Variants in MICAL3 observed in about 807,000 individuals in gnomAD.
The protein encoded by MICAL3 is [F-actin]-monooxygenase MICAL3.
In MICAL3, 62 loss-of-function variants were observed where a neutral mutation model predicts 207.4. The observed-to-expected ratio is 0.30, with a 90% CI of 0.24 to 0.37. MICAL3 has a LOEUF of 0.37. MICAL3 is among the 10% of genes least tolerant of loss of function. The pLI is 1.00. For missense variants in MICAL3, 2,368 were observed against 2,635.6 expected (o/e 0.90, Z 2.22); for synonymous variants, 1,077 against 1,069.3 (o/e 1.01, Z -0.14).
At chr22:17,879,664 A>G (rs906729556) in intron 16 of MICAL3, among the ~76,000 whole-genome samples, 4 of 152,204 alleles carry the variant, frequency 2.6e-5, no homozygotes, top group Non-Finnish European at 5.9e-5. Context: ...GGTTAGTACA[A>G]AGGTGGAACA....
intron 17 of MICAL3, among the ~76,000 whole-genome samples, chr22:17,866,783 G>A (rs1316307813): frequency 3.3e-5 from 5 of 152,234 alleles, no homozygotes; most frequent in African/African-American, 1.2e-4. Flanking sequence ...TCCCCGTGGG[G>A]GGTGTCGTCA....
intron 1 of MICAL3, among the ~76,000 whole-genome samples, chr22:17,989,276 C>A (rs1251607766): frequency 6.6e-6 from 1 of 152,132 alleles, no homozygotes; most frequent in Non-Finnish European, 1.5e-5. Context: ...CTTACCTTGC[C>A]CTTGCAGTCA....
intron 1 of MICAL3, among the ~76,000 whole-genome samples, chr22:17,912,799 A>G (rs1405608972): frequency 6.6e-6 from 1 of 152,164 alleles, no homozygotes; most frequent in East Asian, 1.9e-4. Flanking sequence ...TTCCTTTCCA[A>G]TTTGGATGCC....
intron 24 of MICAL3, 84 bp downstream of exon 24, chr22:17,821,946 C>T (rs1259796676): frequency 2.8e-5 from 43 of 1,534,898 alleles, no homozygotes; most frequent in Middle Eastern, 1.7e-4. Flanking sequence ...TGCTCTGAAG[C>T]GCCTGGCCCC....
intron 1 of MICAL3, among the ~76,000 whole-genome samples, chr22:17,922,573 T>C (rs138886815): frequency 1.1e-3 from 160 of 152,246 alleles, no homozygotes; most frequent in African/African-American, 3.5e-3. Context: ...ACTGGTATTA[T>C]GATGTTGAAG....
intron 1 of MICAL3, among the ~76,000 whole-genome samples, chr22:17,927,368 T>C (rs1409345287): frequency 6.6e-6 from 1 of 152,244 alleles, no homozygotes; most frequent in African/African-American, 2.4e-5. Context: ...TTCTGACTAC[T>C]GTGCACAATG....
At chr22:17,831,822 G>C in intron 21 of MICAL3, 32 bp downstream of exon 21, 1 of 1,542,578 alleles carries the variant, frequency 6.5e-7, no homozygotes, top group Non-Finnish European at 8.8e-7. Context: ...TGGGGGGCAG[G>C]GCAGAGTTCG....
chr22:17,994,137 G>GTGC (rs1249945982), intron 1 of MICAL3, among the ~76,000 whole-genome samples: 2 of 152,146 alleles, frequency 1.3e-5, no homozygotes, highest in Admixed American at 1.3e-4. Context: ...TCAGCGCCAG[G>GTGC]TGCTGCTCTC....
chr22:17,822,867 G>A, intron 23 of MICAL3, 80 bp downstream of exon 23: 1 of 921,684 alleles, frequency 1.1e-6, no homozygotes, highest in East Asian at 2.7e-5. Context: ...CGGCCTCACT[G>A]AGCTTGATTT....
intron 29 of MICAL3, among the ~76,000 whole-genome samples, chr22:17,797,839 C>T (rs2061892941): frequency 6.6e-6 from 1 of 152,250 alleles, no homozygotes; most frequent in African/African-American, 2.4e-5. Context: ...GTGGGCACAG[C>T]CACAGCGGGC....
chr22:18,015,946 T>C lies in MICAL3; in HGVS notation c.-75+8335A>G, dbSNP rs9618186. ...TTCAGTGATTTCTACTTATTTCTAT[T>C]ATAACCAACACAACAGAGGGTATTT... On this transcript the variant is annotated intron_variant, in intron 1 of 31. Transcript: ENST00000441493. Among the ~76,000 whole-genome samples the C allele has an allele frequency of 7.7e-3, 1,169 of 152,312 alleles. 18 individuals carry two copies. The highest frequency in any genetic ancestry group is 0.027 in the African/African-American group (1,130 of 41,570).
At chr22:17,857,324 G>A (rs1045493319) in intron 19 of MICAL3, among the ~76,000 whole-genome samples, 1 of 152,178 alleles carries the variant, frequency 6.6e-6, no homozygotes, top group Non-Finnish European at 1.5e-5. Flanking sequence ...ATTGTGAAGT[G>A]AGCATGTGAG....
At chr22:17,795,719 T>C (rs950199811) in intron 29 of MICAL3, among the ~76,000 whole-genome samples, 6 of 152,242 alleles carry the variant, frequency 3.9e-5, no homozygotes, top group African/African-American at 1.4e-4. Flanking sequence ...CGAGCTGCGC[T>C]GCGGGGCCGC....
chr22:17,926,357 G>A (rs539476349), intron 1 of MICAL3, among the ~76,000 whole-genome samples: 1 of 152,306 alleles, frequency 6.6e-6, no homozygotes, highest in South Asian at 2.1e-4. Context: ...ACCTGGTGGA[G>A]AACAAAGGAT....
intron 25 of MICAL3, among the ~76,000 whole-genome samples, chr22:17,821,023 A>G (rs1045954288): frequency 7.6e-6 from 1 of 131,050 alleles, no homozygotes; most frequent in Non-Finnish European, 1.7e-5. Flanking sequence ...ATTTTAATAC[A>G]CCTATGTTTA....
chr22:17,881,120 A>C lies in MICAL3; in HGVS notation c.2241+4758T>G. On this transcript the variant is annotated intron_variant, in intron 16 of 31. Transcript: ENST00000441493. ...TTGATAGTTATTGCTGGTAAGAGGG[A>C]AAGTGACTTGGTCTCTACACTAGCC... 2.7e-6 allele frequency: 3 copies of C among 1,121,834 alleles called. No individual in the cohort carries two copies. In the South Asian group the frequency reaches 4.0e-5, roughly 15 times the overall value. The allele number at this position is 1,121,834 out of a possible 1,614,324, so 69.5% of individuals were successfully genotyped here. A position where few individuals can be genotyped will look rare whatever the true frequency, so the allele number is the denominator to read the frequency against.
chr22:17,926,960 C>T (rs1296565570), intron 1 of MICAL3, among the ~76,000 whole-genome samples: 1 of 152,130 alleles, frequency 6.6e-6, no homozygotes, highest in East Asian at 1.9e-4. Flanking sequence ...TGTTTTTAAC[C>T]ATTTTTAATT....
Position 17,996,603 on chromosome 22 carries a change from C to CT in MICAL3, c.-75+27677dup, listed in dbSNP as rs370023421. The stretch of plus-strand genomic sequence containing the variant: ...AACTGAAGCCCATGGGGGCAGGATG[C>CT]TGTTCTCTCCACCGGGGCAATCCAA... On this transcript the variant is annotated intron_variant, in intron 1 of 31. Transcript: ENST00000441493. Among the ~76,000 whole-genome samples, 53 of 152,270 alleles carry CT rather than the reference C, an allele frequency of 3.5e-4. No homozygotes were observed. The East Asian group carries it at 9.6e-3, about 28-fold the overall frequency.
In MICAL3 at chr22:17,948,115, C is replaced by T. The variant is rs545827117; in HGVS notation, c.-74-41229G>A. On this transcript the variant is annotated intron_variant, in intron 1 of 31. Coordinates refer to ENST00000441493, the MANE Select transcript of MICAL3 (RefSeq NM_015241.3). ...TGATCTACCAGATGCCTGTGTCATC[C>T]ACCTCCCTCCCATCCCTGCCACTGG... Among the ~76,000 whole-genome samples the T allele has an allele frequency of 1.1e-4, 16 of 152,312 alleles. No individual in the cohort carries two copies. In the South Asian group the frequency reaches 3.3e-3, roughly 32 times the overall value.
Sources: allele counts gnomAD v4.1 joint callset (sites outside exome capture counted in the v4.1 genomes callset), GRCh38; gene constraint gnomAD v4.1.1; transcripts MANE v1.5; gene names NCBI Gene and HGNC (gene_info 2026-07-23, HGNC 2026-07-21).